Variants in PCDHA8 observed in about 807,000 individuals in gnomAD.
The protein encoded by PCDHA8 is protocadherin alpha-8.
PCDHA8 carries 53 observed loss-of-function variants against 61.8 expected under a neutral mutation model. The observed-to-expected ratio is 0.86, with a 90% CI of 0.69 to 1.08. PCDHA8 has a LOEUF of 1.08. Among genes scored for constraint, PCDHA8 ranks in the 50% least tolerant of loss-of-function variants. The pLI, the probability that PCDHA8 is intolerant of heterozygous loss-of-function variation, is 0.00. For missense variants in PCDHA8, 1,293 were observed against 1,245.0 expected, an observed-to-expected ratio of 1.04 and a Z score of -0.58; for synonymous variants, 618 against 556.6, an observed-to-expected ratio of 1.11 and a Z score of -1.55.
chr5:140,859,869 C>T (rs2046062813), intron 1 of PCDHA8: 1 of 151,680 alleles, frequency 6.6e-6, no homozygotes, highest in South Asian at 2.1e-4. Flanking sequence ...TATATACTTC[C>T]CCCTCTGATA....
intron 1 of PCDHA8, chr5:140,929,303 A>G (rs782378312): frequency 1.1e-5 from 17 of 1,586,722 alleles, no homozygotes; most frequent in Non-Finnish European, 1.1e-5. Context: ...AGGAAAGGGG[A>G]TCACGCTAAT....
intron 1 of PCDHA8, among the ~76,000 whole-genome samples, chr5:140,886,246 A>G (rs1337527671): frequency 1.3e-5 from 2 of 152,144 alleles, no homozygotes; most frequent in Admixed American, 1.3e-4. Flanking sequence ...AAATAAATAA[A>G]AGTATCTCTA....
intron 1 of PCDHA8, among the ~76,000 whole-genome samples, chr5:140,913,421 A>T (rs2076328410): frequency 6.6e-6 from 1 of 152,144 alleles, no homozygotes; most frequent in Non-Finnish European, 1.5e-5. Flanking sequence ...CTGCAGTATC[A>T]GTTGTAATGC....
At chr5:140,979,051 G>C in intron 2 of PCDHA8, 44 bp downstream of exon 2, 1 of 1,609,534 alleles carries the variant, frequency 6.2e-7, no homozygotes, top group East Asian at 2.2e-5. Flanking sequence ...ACCTTAACTT[G>C]GTATGGCTCA....
intron 1 of PCDHA8, chr5:140,966,973 G>C (rs782189736): frequency 6.2e-7 from 1 of 1,602,934 alleles, no homozygotes; most frequent in Non-Finnish European, 8.5e-7. Context: ...GGCTTGAGCT[G>C]CGGCGCTTGG....
chr5:140,870,549 C>G, intron 1 of PCDHA8: 1 of 1,614,064 alleles, frequency 6.2e-7, no homozygotes, highest in Middle Eastern at 1.7e-4. Context: ...GGGACGCGGA[C>G]GCGCAGGAGA....
chr5:140,966,541 G>A (rs2096018356), intron 1 of PCDHA8: 2 of 462,844 alleles, frequency 4.3e-6, no homozygotes, highest in Admixed American at 4.3e-5. Context: ...TGAGCGACTC[G>A]GAGGCGAGCG....
At position 140,856,560 on chromosome 5, in the gene PCDHA8, T is replaced by G. The variant is rs782375648; in HGVS notation, c.2394+12845T>G. 94 of 1,597,798 alleles carry G rather than the reference T, an allele frequency of 5.9e-5. 1 individual carries two copies. ...GAGAACGCATTGCTTACTTACAAAC[T>G]CAGTCCAAATGAGTATTTTGTTCTT... On this transcript the variant is annotated intron_variant, in intron 1 of 3. Transcript: ENST00000531613.
intron 1 of PCDHA8, among the ~76,000 whole-genome samples, chr5:140,945,282 T>C (rs1554216856): frequency 6.6e-6 from 1 of 152,062 alleles, no homozygotes; most frequent in African/African-American, 2.4e-5. Context: ...TTTAAAACAT[T>C]GATGAAAGAA....
intron 1 of PCDHA8, among the ~76,000 whole-genome samples, chr5:140,930,783 A>G (rs1211509868): frequency 6.6e-6 from 1 of 152,246 alleles, no homozygotes; most frequent in Non-Finnish European, 1.5e-5. Context: ...TATTTTCACA[A>G]TATAATAGAA....
chr5:140,884,135 C>A (rs1554181269), intron 1 of PCDHA8: 1 of 1,613,422 alleles, frequency 6.2e-7, no homozygotes. Context: ...CATCCCGTTC[C>A]GCGTGGGGCT....
chr5:140,852,721 T>G (rs2042450982), intron 1 of PCDHA8: 1 of 982,810 alleles, frequency 1.0e-6, no homozygotes, highest in South Asian at 4.8e-5. Flanking sequence ...TTTGCACGTT[T>G]TTCAAGTTTC....
intron 1 of PCDHA8, among the ~76,000 whole-genome samples, chr5:140,936,396 A>G (rs983509296): frequency 1.4e-4 from 22 of 152,112 alleles, no homozygotes; most frequent in African/African-American, 5.3e-4. Flanking sequence ...AAACTGGGCT[A>G]CTCAATTTTT....
intron 1 of PCDHA8, among the ~76,000 whole-genome samples, chr5:140,937,626 A>G (rs2091639486): frequency 6.6e-6 from 1 of 150,782 alleles, no homozygotes; most frequent in Non-Finnish European, 1.5e-5. Context: ...AAAAAGAAAA[A>G]GAAAGGCAGG....
chr5:140,875,351 G>C, intron 1 of PCDHA8: 1 of 1,445,562 alleles, frequency 6.9e-7, no homozygotes, highest in Non-Finnish European at 9.1e-7. Context: ...CATAATGACT[G>C]TGATGCTGGA....
chr5:140,884,489 T>G, intron 1 of PCDHA8: 1 of 1,613,936 alleles, frequency 6.2e-7, no homozygotes, highest in East Asian at 2.2e-5. Flanking sequence ...CACTCTAGTG[T>G]GCTCCAGCGC....
intron 1 of PCDHA8, among the ~76,000 whole-genome samples, chr5:140,964,454 T>G (rs1392277569): frequency 6.6e-6 from 1 of 152,132 alleles, no homozygotes. Flanking sequence ...CTGTAATCTC[T>G]TCCTTAAGTG....
At position 140,843,733 on chromosome 5, in the gene PCDHA8, T is replaced by C. The variant is rs2150365726; in HGVS notation, c.2394+18T>C. The stretch of plus-strand genomic sequence containing the variant: ...GCCTCAAAGTAAGTCCATTTAAATT[T>C]AGAACTCATAAATTCTATTTGTGGA... On this transcript the variant is annotated intron_variant, in intron 1 of 3. Coordinates refer to ENST00000531613, the MANE Select transcript of PCDHA8 (RefSeq NM_018911.3). The C allele has an allele frequency of 6.5e-7, 1 of 1,549,552 alleles. No individual in the cohort carries two copies.
intron 1 of PCDHA8, among the ~76,000 whole-genome samples, chr5:140,904,121 T>G (rs1554191284): frequency 6.6e-6 from 1 of 152,194 alleles, no homozygotes; most frequent in Non-Finnish European, 1.5e-5. Flanking sequence ...GAGATTTTGG[T>G]GCACCCATCA....
Sources: gnomAD v4.1 joint callset for allele counts (sites outside exome capture counted in the v4.1 genomes callset) on GRCh38, gnomAD v4.1.1 for gene constraint, MANE v1.5 for transcripts, NCBI Gene and HGNC (gene_info 2026-07-23, HGNC 2026-07-21) for gene names.